TYRO3: variants seen among roughly 807,000 people sequenced by gnomAD.
TYRO3 encodes tyrosine-protein kinase receptor TYRO3.
In TYRO3, 38 loss-of-function variants were observed where a neutral mutation model predicts 95.2. The observed-to-expected ratio is 0.40, with a 90% CI of 0.31 to 0.52. The LOEUF is 0.52. Among genes scored for constraint, TYRO3 ranks in the 20% least tolerant of loss-of-function variants. TYRO3 has a pLI of 0.56. For missense variants in TYRO3, 812 were observed against 1,116.4 expected, an observed-to-expected ratio of 0.73 and a Z score of 3.89; for synonymous variants, 367 against 432.9, an observed-to-expected ratio of 0.85 and a Z score of 1.89.
rs138227584 is a variant in TYRO3, at chr15:41,564,203, G to C, written c.600G>C (p.Met200Ile). ...CCCCAGGGGTGACCCAGAGCACCATGTTTTCCTGTGAAGCTCACAACCTAA... is the reference window on the plus strand; with the variant it reads ...CCCCAGGGGTGACCCAGAGCACCATCTTTTCCTGTGAAGCTCACAACCTAA... ...LNVTGVTQST[M>I]FSCEAHNLKG... The change falls in exon 5 of 19, where the codon ATG (methionine) becomes ATC (isoleucine). Residue 200 changes from methionine (M) to isoleucine (I), a missense_variant. Physicochemically the swap from Met to Ile is conservative, Grantham distance 10. Transcript: ENST00000263798. 6.2e-7 allele frequency: 1 copy of C among 1,614,158 alleles called. No homozygotes were observed. The highest frequency in any genetic ancestry group is 8.5e-7 in the Non-Finnish European group (1 of 1,180,024).
At chr15:41,561,364 C>G in intron 2 of TYRO3, 54 bp downstream of exon 2, 1 of 1,453,872 alleles carries the variant, frequency 6.9e-7, no homozygotes, top group Non-Finnish European at 9.3e-7. Context: ...AGGCTATGCT[C>G]TTTCCTTGGG....
Position 41,568,347 on chromosome 15 carries a change from A to G in TYRO3, c.1092A>G (p.Gln364=). The G allele has an allele frequency of 3.1e-6, 5 of 1,613,976 alleles. No homozygotes were observed. The highest frequency in any genetic ancestry group is 4.2e-6 in the Non-Finnish European group (5 of 1,179,952). ...GACCCTACAAACTGTCCTGGGTTCA[A>G]GACAATGGAACCCAGGTAAGACAGA... ...PLGPYKLSWV[Q]DNGTQDELTV... Residue 364 remains glutamine (Q), a synonymous_variant, in exon 8 of 19, where the codon CAA becomes CAG. Transcript: ENST00000263798.
At position 41,561,655 on chromosome 15, in the gene TYRO3, C is replaced by T. The variant is rs1181396886; in HGVS notation, c.409+16C>T. The T allele has an allele frequency of 2.6e-6, 4 of 1,546,264 alleles. No homozygotes were observed. Among genetic ancestry groups the T allele is most frequent in the Non-Finnish European group, 3.5e-6 (4 of 1,140,998 alleles). On this transcript the variant is annotated intron_variant, in intron 3 of 18. Transcript: ENST00000263798. ...ACGGTAGAAGGTGAGGAGGCAGAGC[C>T]ATATGGGCGTGTTGGCCTGGAGCAC...
At chr15:41,576,141 AG>A (rs2055858124) in intron 18 of TYRO3, among the ~76,000 whole-genome samples, 1 of 150,400 alleles carries the variant, frequency 6.6e-6, no homozygotes, top group Non-Finnish European at 1.5e-5. Context: ...TCCTGTTGGC[AG>A]GAGAGCTGGA....
At chr15:41,560,777 C>T (rs1392769247) in intron 1 of TYRO3, among the ~76,000 whole-genome samples, 1 of 150,702 alleles carries the variant, frequency 6.6e-6, no homozygotes, top group Non-Finnish European at 1.5e-5. Flanking sequence ...AGCTGGCAGC[C>T]TGTTGCACTA....
chr15:41,577,505 T>C (rs897450949), intron 18 of TYRO3: 1 of 154,612 alleles, frequency 6.5e-6, no homozygotes, highest in African/African-American at 2.4e-5. Context: ...TTTTTTTGTA[T>C]TTTTAGTAGA....
rs937456430 is a variant in TYRO3 at position 41,579,697 on chromosome 15, A to G, written c.*1421A>G. On this transcript the variant is annotated 3_prime_UTR_variant, in exon 19 of 19. Coordinates refer to ENST00000263798, the MANE Select transcript of TYRO3 (RefSeq NM_006293.4). ...TACTTTTTTTGAGATCACAAAGATG[A>G]AAGATTTTTATAGAGAGAAAAGTCT... 1.3e-4 allele frequency: 20 copies of G among 151,564 alleles called. No homozygotes were observed. Among genetic ancestry groups the G allele is most frequent in the African/African-American group, 4.6e-4 (19 of 41,264 alleles). 9.4% of individuals were successfully genotyped at this position (151,564 alleles called of 1,614,324 possible). A position where few individuals can be genotyped will look rare whatever the true frequency, so the allele number is the denominator to read the frequency against.
Position 41,581,850 on chromosome 15 carries a change from G to C in TYRO3, c.*3574G>C, listed in dbSNP as rs1240242649. 1 of 138,910 alleles carries C rather than the reference G, an allele frequency of 7.2e-6. No individual in the cohort carries two copies. 8.6% of individuals were successfully genotyped at this position (138,910 alleles called of 1,614,324 possible). On this transcript the variant is annotated 3_prime_UTR_variant, in exon 19 of 19. Coordinates refer to ENST00000263798, the MANE Select transcript of TYRO3 (RefSeq NM_006293.4). ...CTCAAAAAAAAAAAAAAAAAAAAGAGGCCAGGCATGGTGGCTCACGCCTAT... is the reference window on the plus strand; with the variant it reads ...CTCAAAAAAAAAAAAAAAAAAAAGACGCCAGGCATGGTGGCTCACGCCTAT...
At chr15:41,577,729 C>T (rs755877520) in intron 18 of TYRO3, 157 bp from the exon 19 acceptor site, 2 of 685,176 alleles carry the variant, frequency 2.9e-6, no homozygotes, top group Non-Finnish European at 4.8e-6. Flanking sequence ...TCAAATAATA[C>T]CCCCCTTCGG....
rs774043478 is a variant in TYRO3, at chr15:41,573,693, G to A, written c.2160G>A (p.Val720=). The A allele has an allele frequency of 2.5e-6, 4 of 1,614,250 alleles. No individual in the cohort carries two copies. In the South Asian group the frequency reaches 4.4e-5, roughly 18 times the overall value. The change falls in exon 18 of 19, where the codon GTG becomes GTA. Residue 720 remains valine, a synonymous_variant. Transcript: ENST00000263798. ...TTCTGTCCCAGTGGGCGTTCGGGGT[G>A]ACCATGTGGGAGATCATGACACGTG... ...TVQSDVWAFG[V]TMWEIMTRGQ...
chr15:41,559,747 G>A (rs2052139571), intron 1 of TYRO3, among the ~76,000 whole-genome samples: 1 of 152,158 alleles, frequency 6.6e-6, no homozygotes, highest in African/African-American at 2.4e-5. Flanking sequence ...GCACGCGAAG[G>A]TCCGCCTCGG....
chr15:41,579,617 T>C lies in TYRO3; in HGVS notation c.*1341T>C, dbSNP rs2055901677. Reference sequence around the variant, plus strand: ...TGCCTGCCTTGGCCTCCCAAAGTGCTGGGATTACAGTCCTGAGCCACCACA... The same window carrying C: ...TGCCTGCCTTGGCCTCCCAAAGTGCCGGGATTACAGTCCTGAGCCACCACA... On this transcript the variant is annotated 3_prime_UTR_variant, in exon 19 of 19. Coordinates refer to ENST00000263798, the MANE Select transcript of TYRO3 (RefSeq NM_006293.4). 6.6e-6 allele frequency: 1 copy of C among 152,234 alleles called. No homozygotes were observed. The highest frequency in any genetic ancestry group is 2.1e-4 in the South Asian group (1 of 4,838). 9.4% of individuals were successfully genotyped at this position (152,234 alleles called of 1,614,324 possible).
chr15:41,571,468 A>G, intron 13 of TYRO3, 127 bp from the exon 14 acceptor site: 1 of 698,518 alleles, frequency 1.4e-6, no homozygotes, highest in Non-Finnish European at 2.6e-6. Context: ...TCTCCTGCTC[A>G]TGGCTGGGCT....
At chr15:41,571,273 A>G (rs984268377) in intron 13 of TYRO3, among the ~76,000 whole-genome samples, 155 bp downstream of exon 13, 8 of 152,242 alleles carry the variant, frequency 5.3e-5, no homozygotes, top group African/African-American at 1.7e-4. Flanking sequence ...ATTCACAAGC[A>G]TAAACCCAAA....
Position 41,578,099 on chromosome 15 carries a change from G to T in TYRO3, c.2496G>T (p.Gly832=). The T allele has an allele frequency of 6.2e-7, 1 of 1,614,002 alleles. No homozygotes were observed. Among genetic ancestry groups the T allele is most frequent in the South Asian group, 1.1e-5 (1 of 91,060 alleles). ...GGGATCAGCCCTACAGTGGGGCTGG[G>T]GATGGCAGTGGCATGGGGGCAGTGG... ...PGRDQPYSGA[G]DGSGMGAVGG... is the part of the protein sequence containing the mutation. Residue 832 remains glycine, a synonymous_variant, in exon 19 of 19, where the codon GGG becomes GGT. Coordinates refer to ENST00000263798, the MANE Select transcript of TYRO3 (RefSeq NM_006293.4).
chr15:41,561,818 T>C, intron 3 of TYRO3, 179 bp downstream of exon 3: 1 of 493,474 alleles, frequency 2.0e-6, no homozygotes, highest in African/African-American at 2.0e-5. Flanking sequence ...TGGAGTTGGG[T>C]ATCTGAGAAC....
intron 12 of TYRO3, 55 bp from the exon 13 acceptor site, chr15:41,570,983 G>A (rs8024626): frequency 0.28 from 436,431 of 1,580,584 alleles, 63,627 homozygotes; most frequent in Middle Eastern, 0.35. Flanking sequence ...TGGGAGGAAG[G>A]TTGGCAGGGA....
At chr15:41,574,837 A>C in intron 18 of TYRO3, 1 of 432,040 alleles carries the variant, frequency 2.3e-6, no homozygotes, top group Non-Finnish European at 4.7e-6. Context: ...CTCCCTCCCC[A>C]GCCTTCCAAG....
rs189156606 is a variant in TYRO3 at position 41,561,033 on chromosome 15, C to T, written c.125-94C>T. 9.4e-6 allele frequency: 14 copies of T among 1,490,092 alleles called. No homozygotes were observed. In the African/African-American group the frequency reaches 1.8e-4, roughly 19 times the overall value. 92.3% of individuals were successfully genotyped at this position (1,490,092 alleles called of 1,614,324 possible). A position where few individuals can be genotyped will look rare whatever the true frequency, so the allele number is the denominator to read the frequency against. ...CTTTGGCTGAGAAAGAGCCCTCTGT[C>T]TGACACAGAAGCTACCTTCTAGAAG... On this transcript the variant is annotated intron_variant, in intron 1 of 18. Transcript: ENST00000263798.
Sources: allele counts gnomAD v4.1 joint callset (sites outside exome capture counted in the v4.1 genomes callset), GRCh38; gene constraint gnomAD v4.1.1; transcripts MANE v1.5; gene names NCBI Gene and HGNC (gene_info 2026-07-23, HGNC 2026-07-21).